The following ZBTB8OS variants were observed in gnomAD, a reference collection of about 807,000 sequenced individuals.
ZBTB8OS encodes tRNA splicing ligase complex subunit 1.
Under a neutral mutation model 29.3 loss-of-function variants are expected in ZBTB8OS, and 16 were observed. The observed-to-expected ratio is 0.55, with a 90% CI of 0.37 to 0.83. ZBTB8OS has a LOEUF of 0.83. ZBTB8OS is among the 40% of genes least tolerant of loss of function. The probability of loss-of-function intolerance (pLI) is 0.00; values close to 1 mark genes in which losing one functional copy is unlikely to be tolerated. For missense variants in ZBTB8OS, 160 were observed against 196.9 expected, an observed-to-expected ratio of 0.81 and a Z score of 1.12; for synonymous variants, 70 against 64.6, an observed-to-expected ratio of 1.08 and a Z score of -0.40.
intron 1 of ZBTB8OS, among the ~76,000 whole-genome samples, chr1:32,649,456 C>A (rs1399570154): frequency 6.6e-6 from 1 of 151,974 alleles, no homozygotes; most frequent in Non-Finnish European, 1.5e-5. Flanking sequence ...ACCACAGCTA[C>A]CTTTAGGGAT....
chr1:32,628,073 G>A (rs1239330079), intron 5 of ZBTB8OS, among the ~76,000 whole-genome samples: 3 of 152,124 alleles, frequency 2.0e-5, no homozygotes, highest in Non-Finnish European at 2.9e-5. Flanking sequence ...GGCCAGGCGC[G>A]GTGGCTCATG....
In ZBTB8OS at chr1:32,647,545, T is replaced by C. The variant is rs994390865; in HGVS notation, c.97+2888A>G. On this transcript the variant is annotated intron_variant, in intron 1 of 6. Transcript: ENST00000468695. The stretch of plus-strand genomic sequence containing the variant: ...AGGAACCAGGCAGCACAGCAGGACA[T>C]GAGCTCACAAAGCTTCTTCTATATT... 6.6e-5 allele frequency among the ~76,000 whole-genome samples: 10 copies of C among 152,256 alleles called. No individual in the cohort carries two copies. In the East Asian group the frequency reaches 1.9e-3, roughly 29 times the overall value.
At chr1:32,622,655 C>A (rs1055711223) in intron 6 of ZBTB8OS, among the ~76,000 whole-genome samples, 2 of 151,698 alleles carry the variant, frequency 1.3e-5, no homozygotes, top group Non-Finnish European at 2.9e-5. Context: ...GTACACTAAA[C>A]CCCCACAACA....
intron 1 of ZBTB8OS, among the ~76,000 whole-genome samples, chr1:32,635,459 A>G (rs147969123): frequency 0.014 from 2,093 of 152,038 alleles, 30 homozygotes; most frequent in East Asian, 0.034. Context: ...TTTAGTAGAG[A>G]TGGGGTTTCA....
At position 32,634,648 on chromosome 1, in the gene ZBTB8OS, T is replaced by C. The variant is rs1451789461; in HGVS notation, c.122+120A>G. The C allele has an allele frequency of 5.2e-6, 7 of 1,340,028 alleles. No individual in the cohort carries two copies. The East Asian group carries it at 1.6e-4, about 31-fold the overall frequency. 83.0% of individuals were successfully genotyped at this position (1,340,028 alleles called of 1,614,324 possible). ...AAACTGAGTGCTTTCAAACCATCATTTTCATATTGTGAAGGAACCAAAATG... is the reference window on the plus strand; with the variant it reads ...AAACTGAGTGCTTTCAAACCATCATCTTCATATTGTGAAGGAACCAAAATG... On this transcript the variant is annotated intron_variant, in intron 2 of 6. Coordinates refer to ENST00000468695, the MANE Select transcript of ZBTB8OS (RefSeq NM_178547.5).
intron 6 of ZBTB8OS, among the ~76,000 whole-genome samples, chr1:32,625,100 G>A (rs747728487): frequency 6.0e-5 from 9 of 150,036 alleles, no homozygotes; most frequent in Non-Finnish European, 8.9e-5. Context: ...GCATGGGCCT[G>A]TAATCCCAGC....
chr1:32,633,116 A>G (rs1645698568), intron 4 of ZBTB8OS: 1 of 152,330 alleles, frequency 6.6e-6, no homozygotes, highest in African/African-American at 2.4e-5. Flanking sequence ...GTTAAGGAAA[A>G]CTAAAAGCTG....
chr1:32,621,993 A>G (rs749766441), intron 6 of ZBTB8OS, 45 bp from the exon 7 acceptor site: 12 of 1,328,534 alleles, frequency 9.0e-6, no homozygotes, highest in Non-Finnish European at 1.1e-5. Flanking sequence ...GGAAAATAGG[A>G]TATTGAAATC....
intron 4 of ZBTB8OS, among the ~76,000 whole-genome samples, chr1:32,632,885 A>G (rs2148367672): frequency 6.6e-6 from 1 of 152,270 alleles, no homozygotes; most frequent in South Asian, 2.1e-4. Context: ...GATTTCAATC[A>G]CTCTGAGCCT....
chr1:32,627,613 A>G, intron 5 of ZBTB8OS, 69 bp from the exon 6 acceptor site: 1 of 1,484,644 alleles, frequency 6.7e-7, no homozygotes, highest in Non-Finnish European at 9.3e-7. Context: ...TAAGCCTTGT[A>G]AATGTGGTTA....
intron 6 of ZBTB8OS, among the ~76,000 whole-genome samples, chr1:32,625,525 C>T (rs1231328536): frequency 2.0e-5 from 3 of 150,326 alleles, no homozygotes; most frequent in Non-Finnish European, 4.4e-5. Context: ...TAGCATGAGA[C>T]TCCGTCTCAA....
At chr1:32,633,791 G>A in intron 3 of ZBTB8OS, 64 bp from the exon 4 acceptor site, 1 of 1,480,386 alleles carries the variant, frequency 6.8e-7, no homozygotes, top group Admixed American at 2.2e-5. Context: ...GAATTTAAAA[G>A]TGCAATAAAT....
chr1:32,626,965 C>G (rs538577575), intron 6 of ZBTB8OS, among the ~76,000 whole-genome samples: 3 of 152,304 alleles, frequency 2.0e-5, no homozygotes, highest in African/African-American at 7.2e-5. Flanking sequence ...TACTAGAATA[C>G]AAGTGAACTC....
chr1:32,638,896 A>C lies in ZBTB8OS; in HGVS notation c.98-4104T>G, dbSNP rs577600576. 2.2e-3 allele frequency among the ~76,000 whole-genome samples: 331 copies of C among 152,310 alleles called. 2 individuals carry two copies. Among genetic ancestry groups the C allele is most frequent in the Non-Finnish European group, 3.5e-3 (239 of 68,040 alleles). ...ACTACTGCACTCCAGCCTGTGTGAC[A>C]GAGTGAGACTCCATCTAAAAAATAA... is the stretch of plus-strand genomic sequence containing the variant. On this transcript the variant is annotated intron_variant, in intron 1 of 6. Transcript: ENST00000468695.
At chr1:32,648,898 A>G (rs1017577035) in intron 1 of ZBTB8OS, among the ~76,000 whole-genome samples, 2 of 149,304 alleles carry the variant, frequency 1.3e-5, no homozygotes, top group Admixed American at 6.7e-5. Context: ...TCCTGACCTC[A>G]GGTGATCCAC....
At chr1:32,629,751 T>G (rs1168603095) in intron 5 of ZBTB8OS, among the ~76,000 whole-genome samples, 1 of 102,938 alleles carries the variant, frequency 9.7e-6, no homozygotes, top group Non-Finnish European at 1.7e-5. Flanking sequence ...GCTTGTTTCT[T>G]TTTTTTTTTT....
intron 1 of ZBTB8OS, among the ~76,000 whole-genome samples, chr1:32,649,508 G>C (rs1041248822): frequency 6.6e-6 from 1 of 152,042 alleles, no homozygotes; most frequent in Non-Finnish European, 1.5e-5. Flanking sequence ...GACAAAGATA[G>C]GTTATGTGAT....
At chr1:32,638,230 CTTTTTTTTTT>C (rs760775116) in intron 1 of ZBTB8OS, among the ~76,000 whole-genome samples, 6 of 102,152 alleles carry the variant, frequency 5.9e-5, no homozygotes, top group African/African-American at 1.5e-4. Flanking sequence ...CTCCAGAATT[CTTTTTTTTTT>C]TTTTTTTTTT....
chr1:32,636,410 T>C (rs1645958599), intron 1 of ZBTB8OS, among the ~76,000 whole-genome samples: 1 of 151,770 alleles, frequency 6.6e-6, no homozygotes, highest in African/African-American at 2.4e-5. Flanking sequence ...AAAACTTGAG[T>C]CTGGGCGCAG....
Sources: gnomAD v4.1 joint callset for allele counts (sites outside exome capture counted in the v4.1 genomes callset) on GRCh38, gnomAD v4.1.1 for gene constraint, MANE v1.5 for transcripts, NCBI Gene and HGNC (gene_info 2026-07-23, HGNC 2026-07-21) for gene names.